Variants in CCDC187 observed in about 807,000 individuals in gnomAD.
CCDC187 encodes the protein coiled-coil domain containing 187, also known as coiled-coil domain-containing protein 187.
Under a neutral mutation model 38.0 loss-of-function variants are expected in CCDC187, and 32 were observed. The ratio of observed to expected loss-of-function variants is 0.84; its 90% confidence interval spans 0.64 to 1.13. The LOEUF is 1.13. Ranked by LOEUF, CCDC187 falls within the 50% of genes most tolerant of loss-of-function variation. CCDC187 has a pLI of 0.00. For synonymous variants in CCDC187, 333 were observed against 347.9 expected, an observed-to-expected ratio of 0.96 and a Z score of 0.48; for missense variants, 707 against 786.8, an observed-to-expected ratio of 0.90 and a Z score of 1.21.
chr9:136,294,420 C>T (rs1288641943), intron 4 of CCDC187, among the ~76,000 whole-genome samples: 6 of 152,190 alleles, frequency 3.9e-5, no homozygotes, highest in Non-Finnish European at 7.4e-5. Context: ...GCCCCTATGC[C>T]CCTTCCTTAG....
At chr9:136,275,259 G>A (rs903107758) in intron 12 of CCDC187, among the ~76,000 whole-genome samples, 2 of 152,162 alleles carry the variant, frequency 1.3e-5, no homozygotes, top group Non-Finnish European at 2.9e-5. Context: ...GGGAGCTGGG[G>A]GACCAGCTGC....
chr9:136,250,816 G>T lies in CCDC187; in HGVS notation c.*2778C>A, dbSNP rs782164455. The stretch of plus-strand genomic sequence containing the variant: ...TGTTAACGGCACCTGGGGCTAAGCA[G>T]CCGCCCCGGGGCTGGAGAAGGCAGG... On this transcript the variant is annotated 3_prime_UTR_variant, in exon 26 of 26. Transcript: ENST00000638797. 1 of 456,276 alleles carries T rather than the reference G, an allele frequency of 2.2e-6. No individual in the cohort carries two copies. Among genetic ancestry groups the T allele is most frequent in the South Asian group, 1.5e-5 (1 of 64,566 alleles). 28.3% of individuals were successfully genotyped at this position (456,276 alleles called of 1,614,324 possible). A position where few individuals can be genotyped will look rare whatever the true frequency, so the allele number is the denominator to read the frequency against.
At chr9:136,280,350 T>C (rs1041343726) in intron 10 of CCDC187, among the ~76,000 whole-genome samples, 3 of 152,164 alleles carry the variant, frequency 2.0e-5, no homozygotes, top group Admixed American at 6.5e-5. Context: ...AAGGGGCAGG[T>C]GCATACCAGG....
chr9:136,289,906 G>GCC (rs36194822), intron 7 of CCDC187, 53 bp downstream of exon 7: 4,023 of 352,052 alleles, frequency 0.011, 32 homozygotes, highest in Middle Eastern at 0.025. Context: ...ACTGTTCTTG[G>GCC]CCCCCCCCAA....
rs1015790856 is a variant in CCDC187 at position 136,254,321 on chromosome 9, G to A, written c.5507C>T (p.Pro1836Leu). ...CAGCCCCTCCCCAGGCCATGGGGAC[G>A]GAAGAGCCACCTGGGGCTCCATGCC... ...RSGMEPQVAL[P>L]SPWPGEGLEA... is the part of the protein sequence containing the mutation. Residue 1836 changes from proline (P) to leucine (L), a missense_variant, in exon 26 of 26, where the codon CCG becomes CTG. Transcript: ENST00000638797. 100 of 978,092 alleles carry A rather than the reference G, an allele frequency of 1.0e-4. No homozygotes were observed. Among genetic ancestry groups the A allele is most frequent in the Non-Finnish European group, 1.1e-4 (93 of 823,570 alleles). 60.6% of individuals were successfully genotyped at this position (978,092 alleles called of 1,614,324 possible).
At chr9:136,299,873 C>T (rs1831632308) in intron 3 of CCDC187, among the ~76,000 whole-genome samples, 1 of 152,172 alleles carries the variant, frequency 6.6e-6, no homozygotes, top group South Asian at 2.1e-4. Context: ...GCCCCAGACC[C>T]ACTCCCTGTG....
chr9:136,263,624 GC>G lies in CCDC187; in HGVS notation c.3909del (p.Gln1303HisfsTer29). 1 of 985,466 alleles carries G rather than the reference GC, an allele frequency of 1.0e-6. No homozygotes were observed. 61.0% of individuals were successfully genotyped at this position (985,466 alleles called of 1,614,324 possible). A position where few individuals can be genotyped will look rare whatever the true frequency, so the allele number is the denominator to read the frequency against. On this transcript the variant is annotated frameshift_variant, in exon 18 of 26. Transcript: ENST00000638797. LOFTEE classifies it high-confidence loss of function. ...AHELQAQAKLQQGSSPKVKAA... is the reference protein window; with the variant it reads ...AHELQAQAKLXQGSSPKVKAA... The stretch of plus-strand genomic sequence containing the variant: ...CCAGCCCAGGCGAGAGCACCCACCT[GC>G]TGCAGCTTGGCCTGGGCCTGCAGCT...
chr9:136,289,169 G>A (rs1831251185), intron 7 of CCDC187, among the ~76,000 whole-genome samples: 1 of 152,192 alleles, frequency 6.6e-6, no homozygotes, highest in East Asian at 1.9e-4. Flanking sequence ...CGTTATCCTC[G>A]GTGAGAGAAG....
intron 14 of CCDC187, among the ~76,000 whole-genome samples, chr9:136,270,314 C>G (rs1256258734): frequency 6.6e-6 from 1 of 152,140 alleles, no homozygotes; most frequent in African/African-American, 2.4e-5. Flanking sequence ...TTATTGTATA[C>G]AAGACAACGG....
Position 136,267,319 on chromosome 9 carries a change from A to G in CCDC187, c.3647+65T>C, listed in dbSNP as rs368722247. 991 of 814,906 alleles carry G rather than the reference A, an allele frequency of 1.2e-3. 1 individual carries two copies. Among genetic ancestry groups the G allele is most frequent in the South Asian group, 8.2e-3 (129 of 15,816 alleles). 50.5% of individuals were successfully genotyped at this position (814,906 alleles called of 1,614,324 possible). ...GGCAGGGAGGGGGCGGGGCTACAGC[A>G]GGGCGGGGCTACAGCAGGGCGGGGC... On this transcript the variant is annotated intron_variant, in intron 16 of 25. Coordinates refer to ENST00000638797, the MANE Select transcript of CCDC187 (RefSeq NM_001378188.1).
intron 14 of CCDC187, among the ~76,000 whole-genome samples, chr9:136,273,116 A>C (rs1830867944): frequency 6.6e-6 from 1 of 152,242 alleles, no homozygotes; most frequent in South Asian, 2.1e-4. Context: ...AAGAAAATAA[A>C]GGACAGACAG....
At chr9:136,294,652 A>AT (rs1171955565) in intron 4 of CCDC187, among the ~76,000 whole-genome samples, 6 of 152,068 alleles carry the variant, frequency 3.9e-5, no homozygotes, top group Non-Finnish European at 7.4e-5. Context: ...CACTGCCCTG[A>AT]CCCCTGGCCA....
At chr9:136,305,205 A>C (rs1349087006), upstream of CCDC187, among the ~76,000 whole-genome samples, 1 of 152,126 alleles carries the variant, frequency 6.6e-6, no homozygotes, top group Admixed American at 6.5e-5. Flanking sequence ...GCCTGTCTGC[A>C]CCCTCCTAGC....
At position 136,258,904 on chromosome 9, in the gene CCDC187, G is replaced by C; in HGVS notation, c.4366+28C>G. The C allele has an allele frequency of 3.0e-6, 3 of 985,530 alleles. No individual in the cohort carries two copies. Among genetic ancestry groups the C allele is most frequent in the Non-Finnish European group, 3.6e-6 (3 of 830,010 alleles). 61.0% of individuals were successfully genotyped at this position (985,530 alleles called of 1,614,324 possible). ...GGGGGAAGTGTCTGGCGCCGTGGAG[G>C]CCCACGCGGTGTTTCCAGGGTGCTT... On this transcript the variant is annotated intron_variant, in intron 22 of 25. Transcript: ENST00000638797. This position sits in a 1 kb window ranked among gnomAD's most constrained non-coding sequence, Gnocchi z 4.3.
At position 136,290,606 on chromosome 9, in the gene CCDC187, G is replaced by A. The variant is rs1393954345; in HGVS notation, c.2007C>T (p.Ser669=). The change falls in exon 6 of 26, where the codon AGC becomes AGT. Residue 669 remains serine (S), a synonymous_variant. Transcript: ENST00000638797. ...ASALRTRELR[S]RRLQEVYRQQ... ...GCCGGTAGACCTCCTGCAGCCTCCG[G>A]CTCCTCAGCTCCCGTGTGCGCAGGG... is the stretch of plus-strand genomic sequence containing the variant. 2 of 398,414 alleles carry A rather than the reference G, an allele frequency of 5.0e-6. No individual in the cohort carries two copies. Among genetic ancestry groups the A allele is most frequent in the East Asian group, 3.6e-5 (1 of 28,084 alleles). 24.7% of individuals were successfully genotyped at this position (398,414 alleles called of 1,614,324 possible).
At chr9:136,277,623 TTCC>T (rs1376683249) in intron 10 of CCDC187, among the ~76,000 whole-genome samples, 1 of 152,146 alleles carries the variant, frequency 6.6e-6, no homozygotes, top group Non-Finnish European at 1.5e-5. Context: ...CCTCAGCCTC[TTCC>T]TTGGATAGTG....
chr9:136,293,167 T>G (rs1352552593), intron 4 of CCDC187, among the ~76,000 whole-genome samples: 1 of 53,030 alleles, frequency 1.9e-5, no homozygotes, highest in African/African-American at 6.3e-5. Context: ...GCTCACACAC[T>G]CACATGCTCA....
chr9:136,297,996 C>T (rs2131349978), intron 3 of CCDC187, among the ~76,000 whole-genome samples, 175 bp from the exon 4 acceptor site: 1 of 152,348 alleles, frequency 6.6e-6, no homozygotes, highest in Non-Finnish European at 1.5e-5. Flanking sequence ...ACGCTGGGGA[C>T]AGGCCACAGT....
chr9:136,265,385 G>A (rs531235999), intron 17 of CCDC187, among the ~76,000 whole-genome samples: 1 of 152,294 alleles, frequency 6.6e-6, no homozygotes, highest in African/African-American at 2.4e-5. Context: ...TCCCTGCCAG[G>A]CGCGGCTAGG....
Sources: gnomAD v4.1 joint callset for allele counts (sites outside exome capture counted in the v4.1 genomes callset) on GRCh38, gnomAD v4.1.1 for gene constraint, Gnocchi (gnomAD v3.1) non-coding constraint, MANE v1.5 for transcripts, NCBI Gene and HGNC (gene_info 2026-07-23, HGNC 2026-07-21) for gene names.